SGPP2: variants seen among roughly 807,000 people sequenced by gnomAD.
The protein encoded by SGPP2 is sphingosine-1-phosphate phosphatase 2, also known as sphingosine 1-phosphate phosphohydrolase 2.
SGPP2 carries 30 observed loss-of-function variants against 33.9 expected under a neutral mutation model. The ratio of observed to expected loss-of-function variants is 0.89; its 90% confidence interval spans 0.66 to 1.20. SGPP2 has a LOEUF of 1.20. Ranked by LOEUF, SGPP2 falls within the 50% of genes most tolerant of loss-of-function variation. The pLI, the probability that SGPP2 is intolerant of heterozygous loss-of-function variation, is 0.00. For missense variants in SGPP2, 458 were observed against 532.1 expected (o/e 0.86, Z 1.37); for synonymous variants, 233 against 225.0 (o/e 1.04, Z -0.32).
chr2:222,490,836 T>C (rs1698186166), intron 2 of SGPP2, among the ~76,000 whole-genome samples: 1 of 152,210 alleles, frequency 6.6e-6, no homozygotes, highest in African/African-American at 2.4e-5. Flanking sequence ...TAAAACAGCT[T>C]CTGAATCTTG....
At chr2:222,462,950 C>T (rs895345232) in intron 1 of SGPP2, among the ~76,000 whole-genome samples, 3 of 152,140 alleles carry the variant, frequency 2.0e-5, no homozygotes, top group Admixed American at 2.0e-4. Context: ...AATGTTCTTT[C>T]ATGTGTATGC....
In SGPP2 at chr2:222,459,947, G is replaced by T. The variant is rs564345506; in HGVS notation, c.220-14621G>T. Among the ~76,000 whole-genome samples, 11 of 152,310 alleles carry T rather than the reference G, an allele frequency of 7.2e-5. No individual in the cohort carries two copies. The East Asian group carries it at 2.1e-3, about 29-fold the overall frequency. ...AGCACTTTCTGGAAACTGCATTCTT[G>T]TGAAAAGAAATGAGAACCACATTTC... is the stretch of plus-strand genomic sequence containing the variant. On this transcript the variant is annotated intron_variant, in intron 1 of 4. Coordinates refer to ENST00000321276, the MANE Select transcript of SGPP2 (RefSeq NM_152386.4).
At chr2:222,557,315 T>A (rs6751145) in intron 4 of SGPP2, among the ~76,000 whole-genome samples, 132,456 of 152,248 alleles carry the variant, frequency 0.87, 58,683 homozygotes, top group East Asian at 1. Context: ...GCACTCATAC[T>A]TGACCACTGT....
intron 2 of SGPP2, among the ~76,000 whole-genome samples, chr2:222,491,407 T>A (rs1260814728): frequency 6.6e-6 from 1 of 152,106 alleles, no homozygotes; most frequent in Non-Finnish European, 1.5e-5. Context: ...GACCCACAGC[T>A]CTGCATGGCT....
intron 1 of SGPP2, among the ~76,000 whole-genome samples, chr2:222,442,070 A>G (rs1012376616): frequency 2.0e-5 from 3 of 152,202 alleles, no homozygotes; most frequent in African/African-American, 4.8e-5. Context: ...ACTAATGGGA[A>G]TTTCTTAATG....
chr2:222,527,184 C>A (rs1179470578), intron 4 of SGPP2, among the ~76,000 whole-genome samples: 4 of 151,992 alleles, frequency 2.6e-5, no homozygotes, highest in African/African-American at 9.7e-5. Context: ...GCCTGTCATC[C>A]AGATGCAAGG....
chr2:222,459,540 G>A (rs1394138835), intron 1 of SGPP2, among the ~76,000 whole-genome samples: 1 of 152,090 alleles, frequency 6.6e-6, no homozygotes, highest in South Asian at 2.1e-4. Flanking sequence ...CAATGAATTG[G>A]TTTAGTATGG....
At chr2:222,498,149 G>C (rs1574862238) in intron 2 of SGPP2, 1 of 152,142 alleles carries the variant, frequency 6.6e-6, no homozygotes, top group Non-Finnish European at 1.5e-5. Flanking sequence ...TGAGTTCAGT[G>C]TTGCCTCAAC....
chr2:222,479,699 G>A (rs991648907), intron 2 of SGPP2, among the ~76,000 whole-genome samples: 4 of 151,890 alleles, frequency 2.6e-5, no homozygotes, highest in Non-Finnish European at 4.4e-5. Context: ...CACCGCGCCC[G>A]GCCTCTTATC....
intron 2 of SGPP2, among the ~76,000 whole-genome samples, chr2:222,502,784 G>A (rs138148640): frequency 5.4e-4 from 83 of 152,302 alleles, no homozygotes; most frequent in African/African-American, 1.8e-3. Flanking sequence ...AGCCAACAGT[G>A]CTGGGGGAAA....
At chr2:222,508,633 C>A (rs566128064) in intron 2 of SGPP2, among the ~76,000 whole-genome samples, 1 of 152,066 alleles carries the variant, frequency 6.6e-6, no homozygotes, top group African/African-American at 2.4e-5. Flanking sequence ...AATCTTTGTA[C>A]CTTTAGTGTT....
In SGPP2 at chr2:222,550,088, C is replaced by G. The variant is rs1382179627; in HGVS notation, c.649-8259C>G. Among the ~76,000 whole-genome samples, 4 of 152,140 alleles carry G rather than the reference C, an allele frequency of 2.6e-5. No individual in the cohort carries two copies. The East Asian group carries it at 5.8e-4, about 22-fold the overall frequency. On this transcript the variant is annotated intron_variant, in intron 4 of 4. Coordinates refer to ENST00000321276, the MANE Select transcript of SGPP2 (RefSeq NM_152386.4). This position sits in a 1 kb window ranked among gnomAD's most constrained non-coding sequence, Gnocchi z 4.5. Reference sequence around the variant, plus strand: ...AGAGACAGGGTTTCACCATATTGGCCAGACTGGTCCTGAACTCGTGACCTC... The same window carrying G: ...AGAGACAGGGTTTCACCATATTGGCGAGACTGGTCCTGAACTCGTGACCTC...
upstream of SGPP2, among the ~76,000 whole-genome samples, chr2:222,424,034 C>T (rs750131919): frequency 1.3e-4 from 20 of 152,086 alleles, no homozygotes; most frequent in South Asian, 4.1e-4. Context: ...GGGAATTCTC[C>T]CTGGGGGGCT....
chr2:222,558,762 A>G lies in SGPP2; in HGVS notation c.1064A>G (p.Lys355Arg). 6.2e-7 allele frequency: 1 copy of G among 1,614,188 alleles called. No individual in the cohort carries two copies. Among genetic ancestry groups the G allele is most frequent in the Non-Finnish European group, 8.5e-7 (1 of 1,180,030 alleles). Residue 355 changes from lysine (K) to arginine (R), a missense_variant, in exon 5 of 5, where the codon AAG (lysine) becomes AGG (arginine). Lys to Arg is a conservative substitution (Grantham distance 26). Coordinates refer to ENST00000321276, the MANE Select transcript of SGPP2 (RefSeq NM_152386.4). ...LSLQVLYSWF[K>R]VVTRNKEARR... ...CTGCAAGTATTATACTCATGGTTCA[A>G]GGTGGTCACCAGGAACAAGGAGGCC...
intron 2 of SGPP2, among the ~76,000 whole-genome samples, chr2:222,520,996 GCCGT>G (rs1471978027): frequency 6.6e-6 from 1 of 152,196 alleles, no homozygotes; most frequent in East Asian, 1.9e-4. Flanking sequence ...CTGGGCTCAA[GCCGT>G]CCTCCCGCCT....
chr2:222,497,264 T>TC (rs1472272758), intron 2 of SGPP2, among the ~76,000 whole-genome samples: 11 of 149,728 alleles, frequency 7.3e-5, no homozygotes, highest in Non-Finnish European at 1.2e-4. Flanking sequence ...TTTTTTTTTT[T>TC]TTTTTTTAGA....
chr2:222,536,870 A>C (rs930786930), intron 4 of SGPP2, among the ~76,000 whole-genome samples: 3 of 152,196 alleles, frequency 2.0e-5, no homozygotes, highest in Non-Finnish European at 2.9e-5. Flanking sequence ...TAGTGGAATA[A>C]AAAGAAAGAG....
At chr2:222,434,090 A>G (rs1322187131) in intron 1 of SGPP2, among the ~76,000 whole-genome samples, 2 of 152,122 alleles carry the variant, frequency 1.3e-5, no homozygotes, top group South Asian at 2.1e-4. Flanking sequence ...TTGTGAGAAA[A>G]CACTGTCACA....
chr2:222,448,081 C>A (rs949181133), intron 1 of SGPP2, among the ~76,000 whole-genome samples: 3 of 152,156 alleles, frequency 2.0e-5, no homozygotes, highest in African/African-American at 7.2e-5. Context: ...TGCTTATGAT[C>A]TAGGTTGGAC....
Sources: allele counts gnomAD v4.1 joint callset (sites outside exome capture counted in the v4.1 genomes callset), GRCh38; gene constraint gnomAD v4.1.1; non-coding constraint Gnocchi (gnomAD v3.1); transcripts MANE v1.5; gene names NCBI Gene and HGNC (gene_info 2026-07-23, HGNC 2026-07-21).